The following KIAA1217 variants were observed in gnomAD, a reference collection of about 807,000 sequenced individuals.
The protein encoded by KIAA1217 is sickle tail protein homolog.
In KIAA1217, 88 loss-of-function variants were observed where a neutral mutation model predicts 163.9. The ratio of observed to expected loss-of-function variants is 0.54; its 90% CI spans 0.45 to 0.64. The LOEUF (loss-of-function observed/expected upper bound fraction) is 0.64, where lower values mean the gene tolerates loss of function less well. Ranked by LOEUF, KIAA1217 falls within the 30% of genes least tolerant of loss-of-function variation. KIAA1217 has a pLI of 0.00. For synonymous variants in KIAA1217, 903 were observed against 923.1 expected (o/e 0.98, Z 0.39); for missense variants, 2,372 against 2,475.0 (o/e 0.96, Z 0.88).
At chr10:24,520,360 G>A (rs1592618072) in intron 11 of KIAA1217, 107 bp downstream of exon 11, 4 of 1,443,018 alleles carry the variant, frequency 2.8e-6, no homozygotes, top group South Asian at 1.3e-5. Context: ...TTTATTAAAC[G>A]TCTACATGTG....
chr10:24,349,001 T>A (rs7100622), intron 2 of KIAA1217, among the ~76,000 whole-genome samples: 97,611 of 151,712 alleles, frequency 0.64, 31,694 homozygotes, highest in South Asian at 0.73. Flanking sequence ...AAATTTAAAA[T>A]TTTGCCTATA....
intron 1 of KIAA1217, among the ~76,000 whole-genome samples, chr10:24,212,948 C>T (rs75542031): frequency 0.023 from 3,572 of 152,238 alleles, 69 homozygotes; most frequent in Non-Finnish European, 0.034. Flanking sequence ...GTTTATTATC[C>T]TGCTATAGAT....
chr10:24,404,412 C>CA (rs1462447975), intron 3 of KIAA1217, among the ~76,000 whole-genome samples: 1 of 151,806 alleles, frequency 6.6e-6, no homozygotes, highest in Non-Finnish European at 1.5e-5. Flanking sequence ...ACTAAAAATA[C>CA]AAAAATCAGC....
At chr10:24,120,240 G>A (rs1202590526) in intron 2 of KIAA1217, among the ~76,000 whole-genome samples, 1 of 152,168 alleles carries the variant, frequency 6.6e-6, no homozygotes, top group Non-Finnish European at 1.5e-5. Flanking sequence ...ACTAGATGTA[G>A]TCCAAGGGTA....
In KIAA1217 at chr10:24,055,159, C is replaced by T. The variant is rs183447870; in HGVS notation, c.-171+47785C>T. On this transcript the variant is annotated intron_variant, in intron 2 of 18. Transcript: ENST00000376462. ...GCATGCACCTGTACTTTCAGCTACT[C>T]GGGAAGCTGAGGTGGGAGGATTGCT... Among the ~76,000 whole-genome samples the T allele has an allele frequency of 3.9e-5, 6 of 152,164 alleles. No individual in the cohort carries two copies. The East Asian group carries it at 7.7e-4, about 20-fold the overall frequency.
upstream of KIAA1217, among the ~76,000 whole-genome samples, chr10:24,204,965 C>A (rs1363840271): frequency 1.3e-5 from 2 of 152,158 alleles, no homozygotes. Flanking sequence ...TTTTAATTGA[C>A]TCTCACAGTT....
intron 2 of KIAA1217, among the ~76,000 whole-genome samples, chr10:24,369,557 T>A (rs372391406): frequency 6.6e-5 from 10 of 152,182 alleles, no homozygotes; most frequent in African/African-American, 2.4e-4. Flanking sequence ...TACGATTCCG[T>A]GGCTTGGGAT....
At position 24,461,963 on chromosome 10, in the gene KIAA1217, G is replaced by A. The variant is rs368715091; in HGVS notation, c.847-11265G>A. Among the ~76,000 whole-genome samples, 7 of 152,140 alleles carry A rather than the reference G, an allele frequency of 4.6e-5. 1 individual carries two copies. Among genetic ancestry groups the A allele is most frequent in the African/African-American group, 1.4e-4 (6 of 41,520 alleles). ...CCATAATGGAATTAGGGTTGTAATGGTAAGGGATTTTAATCAGCTAAGGCT... is the reference window on the plus strand; with the variant it reads ...CCATAATGGAATTAGGGTTGTAATGATAAGGGATTTTAATCAGCTAAGGCT... On this transcript the variant is annotated intron_variant, in intron 5 of 20. Transcript: ENST00000376454.
At chr10:24,297,314 T>G (rs987618271) in intron 2 of KIAA1217, among the ~76,000 whole-genome samples, 1 of 152,202 alleles carries the variant, frequency 6.6e-6, no homozygotes, top group African/African-American at 2.4e-5. Flanking sequence ...CTTAGTGGTC[T>G]GTTTCTCCTC....
At chr10:24,184,441 T>G (rs2066326211) in intron 2 of KIAA1217, among the ~76,000 whole-genome samples, 1 of 152,224 alleles carries the variant, frequency 6.6e-6, no homozygotes, top group African/African-American at 2.4e-5. Flanking sequence ...AGCAAATCCT[T>G]TTCATAAGGA....
chr10:23,749,674 G>C (rs907707405), intron 1 of KIAA1217, among the ~76,000 whole-genome samples: 3 of 152,112 alleles, frequency 2.0e-5, no homozygotes, highest in African/African-American at 7.2e-5. Flanking sequence ...CGAAGTGCTG[G>C]GATTATAGGC....
At chr10:23,727,725 C>T (rs1229214616) in intron 1 of KIAA1217, among the ~76,000 whole-genome samples, 1 of 152,006 alleles carries the variant, frequency 6.6e-6, no homozygotes, top group African/African-American at 2.4e-5. Flanking sequence ...TATACATGTG[C>T]CATGGTGGTT....
intron 2 of KIAA1217, among the ~76,000 whole-genome samples, chr10:24,316,233 T>C (rs1194663744): frequency 6.6e-6 from 1 of 152,206 alleles, no homozygotes; most frequent in African/African-American, 2.4e-5. Flanking sequence ...TTGAGTCCCT[T>C]CAAAGTGAGA....
Position 24,543,494 on chromosome 10 carries a change from A to G in KIAA1217, c.4224A>G (p.Gly1408=), listed in dbSNP as rs2075349535. The change falls in exon 19 of 21, where the codon GGA becomes GGG. Residue 1408 remains glycine, a synonymous_variant. Coordinates refer to ENST00000376454, the MANE Select transcript of KIAA1217 (RefSeq NM_019590.5). ...TGCATGATATTGTTAGCCAAAAGGG[A>G]GAAGACATACAGACGGTTAATATCG... ...GEVHDIVSQK[G]EDIQTVNIDA... 1 of 1,614,026 alleles carries G rather than the reference A, an allele frequency of 6.2e-7. No individual in the cohort carries two copies. Among genetic ancestry groups the G allele is most frequent in the Non-Finnish European group, 8.5e-7 (1 of 1,180,040 alleles).
chr10:24,118,151 TAAA>T (rs75931103), intron 2 of KIAA1217, among the ~76,000 whole-genome samples: 4 of 123,380 alleles, frequency 3.2e-5, no homozygotes, highest in Admixed American at 8.3e-5. Flanking sequence ...AAATAACGGT[TAAA>T]AAAAAAAAAA....
chr10:24,494,586 A>T lies in KIAA1217; in HGVS notation c.1766A>T (p.Tyr589Phe), dbSNP rs753061548. 6.2e-7 allele frequency: 1 copy of T among 1,611,042 alleles called. No homozygotes were observed. Among genetic ancestry groups the T allele is most frequent in the Non-Finnish European group, 8.5e-7 (1 of 1,177,674 alleles). ...CTTTTTAAAGGGCCCATTACAAGTT[A>T]TAGCAAAGATGCGTCTAGGTAAAAA... is the stretch of plus-strand genomic sequence containing the variant. Reference protein sequence around the residue: ...SALFKGPITSYSKDASSEKMM... With the variant: ...SALFKGPITSFSKDASSEKMM... The change falls in exon 7 of 21, where the codon TAT (tyrosine) becomes TTT (phenylalanine). Residue 589 changes from tyrosine to phenylalanine, a missense_variant. Physicochemically the swap from Tyr to Phe is conservative, Grantham distance 22. Around this residue, in one of 3 missense-constraint regions of KIAA1217, gnomAD observed 1,431 missense variants for 1,470.3 expected, o/e 0.97. Coordinates refer to ENST00000376454, the MANE Select transcript of KIAA1217 (RefSeq NM_019590.5).
intron 2 of KIAA1217, among the ~76,000 whole-genome samples, chr10:24,160,519 T>A (rs2065072723): frequency 6.6e-6 from 1 of 152,166 alleles, no homozygotes; most frequent in Non-Finnish European, 1.5e-5. Context: ...AATTTTCAAC[T>A]GGAAAAAAAC....
Position 24,219,653 on chromosome 10 carries a change from C to T in KIAA1217, c.98C>T (p.Thr33Ile), listed in dbSNP as rs543739530. The T allele has an allele frequency of 6.2e-7, 1 of 1,609,494 alleles. No individual in the cohort carries two copies. Among genetic ancestry groups the T allele is most frequent in the African/African-American group, 1.3e-5 (1 of 74,886 alleles). The change falls in exon 2 of 21, where the codon ACA becomes ATA. Residue 33 changes from threonine (T) to isoleucine (I), a missense_variant. By Grantham distance (89) the Thr-to-Ile change is moderately conservative. Transcript: ENST00000376454. ...CAAGGCAAAGGCAATCTGCATGTAA[C>T]ATCACCAGAAGATGCAGAATGCCGC... is the stretch of plus-strand genomic sequence containing the variant. ...QEQGKGNLHV[T>I]SPEDAECRRT...
At chr10:24,520,080 G>A in intron 10 of KIAA1217, 43 bp from the exon 11 acceptor site, 1 of 1,576,604 alleles carries the variant, frequency 6.3e-7, no homozygotes, top group African/African-American at 1.3e-5. Context: ...CCTCTGTGAG[G>A]CCTCGTGTTC....
Sources: gnomAD v4.1 joint callset for allele counts (sites outside exome capture counted in the v4.1 genomes callset) on GRCh38, gnomAD v4.1.1 for gene constraint, gnomAD v4.1.1 regional missense constraint, MANE v1.5 for transcripts, NCBI Gene and HGNC (gene_info 2026-07-23, HGNC 2026-07-21) for gene names.